The following CHRM2 variants were observed in gnomAD, a reference collection of about 807,000 sequenced individuals.
CHRM2 encodes muscarinic acetylcholine receptor M2.
In CHRM2, 8 loss-of-function variants were observed where a neutral mutation model predicts 25.0. That is an observed-to-expected ratio of 0.32 (90% CI 0.19 to 0.58). CHRM2 has a LOEUF of 0.58. Ranked by LOEUF, CHRM2 falls within the 20% of genes least tolerant of loss-of-function variation. The pLI, the probability that CHRM2 is intolerant of heterozygous loss-of-function variation, is 0.88. For missense variants in CHRM2, 440 were observed against 567.1 expected (o/e 0.78, Z 2.28); for synonymous variants, 202 against 205.7 (o/e 0.98, Z 0.15).
intron 2 of CHRM2, among the ~76,000 whole-genome samples, chr7:136,949,282 G>A (rs1800248395): frequency 6.6e-6 from 1 of 151,880 alleles, no homozygotes; most frequent in Non-Finnish European, 1.5e-5. Context: ...TCAGAGAGGC[G>A]AAATATTTCT....
At chr7:137,013,001 C>T (rs1804925461) in intron 3 of CHRM2, among the ~76,000 whole-genome samples, 1 of 151,854 alleles carries the variant, frequency 6.6e-6, no homozygotes, top group Non-Finnish European at 1.5e-5. Flanking sequence ...GGTTGAGTAT[C>T]ATTTCATATG....
At chr7:136,872,695 T>C (rs1795888483) in intron 2 of CHRM2, among the ~76,000 whole-genome samples, 1 of 152,062 alleles carries the variant, frequency 6.6e-6, no homozygotes. Flanking sequence ...GCTGGCTAAT[T>C]AGGAGTCCTA....
intron 3 of CHRM2, among the ~76,000 whole-genome samples, chr7:136,999,033 T>C (rs1269150883): frequency 6.6e-6 from 1 of 152,200 alleles, no homozygotes; most frequent in Non-Finnish European, 1.5e-5. Flanking sequence ...AATTTGGGAT[T>C]GGGGCTTATT....
rs553552381 is a variant in CHRM2 at position 136,985,061 on chromosome 7, T to C, written c.-124-7126T>C. On this transcript the variant is annotated intron_variant, in intron 2 of 3. Coordinates refer to ENST00000680005, the MANE Select transcript of CHRM2 (RefSeq NM_001006630.2). ...TGGAACTAGTTAGTATTCTATAGAA[T>C]AAACTTTGTCATTGCTGTTCTAGTA... 1.2e-4 allele frequency among the ~76,000 whole-genome samples: 18 copies of C among 152,260 alleles called. No homozygotes were observed. In the South Asian group the frequency reaches 3.7e-3, roughly 32 times the overall value.
In CHRM2 at chr7:136,868,866, GGT is replaced by G. The variant is rs1795700373; in HGVS notation, c.-406_-405del. The G allele has an allele frequency of 6.6e-6, 1 of 152,250 alleles. No individual in the cohort carries two copies. Among genetic ancestry groups the G allele is most frequent in the Non-Finnish European group, 1.5e-5 (1 of 68,102 alleles). The allele number at this position is 152,250 out of a possible 1,614,324, so 9.4% of individuals were successfully genotyped here. ...AGGAAATCGCCGAGGTACCCGAATA[GGT>G]GTTGCCTCCCAAAACTAATTCCTAC... On this transcript the variant is annotated 5_prime_UTR_variant, in exon 1 of 4. Transcript: ENST00000680005.
chr7:136,936,510 T>C (rs569004163), intron 2 of CHRM2, among the ~76,000 whole-genome samples: 1 of 152,262 alleles, frequency 6.6e-6, no homozygotes, highest in South Asian at 2.1e-4. Context: ...AATGACATGA[T>C]TGAAACTATA....
intron 2 of CHRM2, among the ~76,000 whole-genome samples, chr7:136,925,022 T>C (rs1239384388): frequency 6.6e-6 from 1 of 152,178 alleles, no homozygotes. Context: ...TACAAGGTAT[T>C]GTGTGGTGCT....
chr7:136,984,961 T>C (rs930445694), intron 2 of CHRM2, among the ~76,000 whole-genome samples: 3 of 152,114 alleles, frequency 2.0e-5, no homozygotes, highest in Non-Finnish European at 2.9e-5. Flanking sequence ...AAATGAAGAA[T>C]TGAGCGTAAG....
At chr7:136,938,518 C>A in intron 2 of CHRM2, 3 of 989,420 alleles carry the variant, frequency 3.0e-6, no homozygotes. Context: ...GCTCAGCAGG[C>A]TCTGGTTGAT....
At chr7:136,891,348 C>G (rs1281017624) in intron 2 of CHRM2, among the ~76,000 whole-genome samples, 2 of 152,234 alleles carry the variant, frequency 1.3e-5, no homozygotes, top group East Asian at 3.9e-4. Flanking sequence ...TTTTCAGTGA[C>G]TTTGACAGCT....
rs138326318 is a variant in CHRM2 at position 136,987,842 on chromosome 7, T to C, written c.-124-4345T>C. 2.6e-3 allele frequency among the ~76,000 whole-genome samples: 397 copies of C among 152,316 alleles called. 1 individual carries two copies. The highest frequency in any genetic ancestry group is 9.0e-3 in the African/African-American group (372 of 41,564). Reference sequence around the variant, plus strand: ...AATTAAGTCCATCTCTCTTCAGGGATTGTGTATAACACTCCTTATTGATCC... The same window carrying C: ...AATTAAGTCCATCTCTCTTCAGGGACTGTGTATAACACTCCTTATTGATCC... On this transcript the variant is annotated intron_variant, in intron 2 of 3. Coordinates refer to ENST00000680005, the MANE Select transcript of CHRM2 (RefSeq NM_001006630.2).
chr7:136,970,707 T>C (rs933239098), intron 2 of CHRM2, among the ~76,000 whole-genome samples: 25 of 152,224 alleles, frequency 1.6e-4, no homozygotes, highest in Admixed American at 4.6e-4. Flanking sequence ...GAAAAAAAAG[T>C]TTTTCAAAAT....
chr7:136,969,802 A>G (rs1038870509), intron 2 of CHRM2, among the ~76,000 whole-genome samples: 6 of 152,168 alleles, frequency 3.9e-5, no homozygotes, highest in Admixed American at 6.6e-5. Flanking sequence ...TTCAAAACCA[A>G]TATTTCCCAC....
chr7:136,899,432 A>T (rs756546229), intron 2 of CHRM2: 13 of 152,108 alleles, frequency 8.5e-5, no homozygotes, highest in Non-Finnish European at 1.6e-4. Context: ...CTATCAGATA[A>T]TTCTTACTAG....
intron 2 of CHRM2, among the ~76,000 whole-genome samples, chr7:136,937,468 T>C (rs1409981163): frequency 6.7e-6 from 1 of 148,676 alleles, no homozygotes; most frequent in Admixed American, 6.7e-5. Flanking sequence ...TTATAGCACA[T>C]TCAACACTTG....
rs182347846 is a variant in CHRM2 at position 136,888,807 on chromosome 7, G to A, written c.-125+19389G>A. 8.9e-4 allele frequency among the ~76,000 whole-genome samples: 136 copies of A among 152,156 alleles called. 2 individuals carry two copies. The highest frequency in any genetic ancestry group is 6.5e-3 in the Admixed American group (99 of 15,282). On this transcript the variant is annotated intron_variant, in intron 2 of 3. Transcript: ENST00000680005. Reference sequence around the variant, plus strand: ...CACGCCTGTAATCCCAGCACTTTGGGAGGCCAAGGCAGGCGGATCACGAAG... The same window carrying A: ...CACGCCTGTAATCCCAGCACTTTGGAAGGCCAAGGCAGGCGGATCACGAAG...
At chr7:136,996,786 A>G (rs1257814517) in intron 3 of CHRM2, among the ~76,000 whole-genome samples, 1 of 152,208 alleles carries the variant, frequency 6.6e-6, no homozygotes, top group Non-Finnish European at 1.5e-5. Context: ...GTCTGTGATT[A>G]TCTTTATTTG....
At chr7:136,942,911 C>A (rs1188525097) in intron 2 of CHRM2, among the ~76,000 whole-genome samples, 1 of 151,136 alleles carries the variant, frequency 6.6e-6, no homozygotes, top group Non-Finnish European at 1.5e-5. Flanking sequence ...ATTTTCTAAC[C>A]CCTTACTGTC....
At chr7:136,887,780 C>T (rs1796523853) in intron 2 of CHRM2, among the ~76,000 whole-genome samples, 1 of 152,076 alleles carries the variant, frequency 6.6e-6, no homozygotes, top group Admixed American at 6.6e-5. Flanking sequence ...AGCAGTTCCC[C>T]CTTTTGGGAA....
Sources: allele counts gnomAD v4.1 joint callset (sites outside exome capture counted in the v4.1 genomes callset), GRCh38; gene constraint gnomAD v4.1.1; transcripts MANE v1.5; gene names NCBI Gene and HGNC (gene_info 2026-07-23, HGNC 2026-07-21).